PCNT: variants seen among roughly 807,000 people sequenced by gnomAD.
The protein encoded by PCNT is kendrin.
Under a neutral mutation model 380.4 loss-of-function variants are expected in PCNT, and 319 were observed. That is an observed-to-expected ratio of 0.84 (90% CI 0.77 to 0.92). The LOEUF is 0.92. Among genes scored for constraint, PCNT ranks in the 40% least tolerant of loss-of-function variants. The probability of loss-of-function intolerance (pLI) is 0.00; values close to 1 mark genes in which losing one functional copy is unlikely to be tolerated. For synonymous variants in PCNT, 1,845 were observed against 1,735.2 expected, an observed-to-expected ratio of 1.06 and a Z score of -1.57; for missense variants, 4,400 against 4,255.3, an observed-to-expected ratio of 1.03 and a Z score of -0.95.
At chr21:46,394,486 G>A (rs1003608821) in intron 21 of PCNT, 6 of 982,880 alleles carry the variant, frequency 6.1e-6, no homozygotes, top group Non-Finnish European at 7.2e-6. Context: ...CTCAGTAAAC[G>A]CAAACTCTTG....
intron 2 of PCNT, 144 bp from the exon 3 acceptor site, chr21:46,334,253 G>A: frequency 9.5e-7 from 1 of 1,052,556 alleles, no homozygotes; most frequent in Non-Finnish European, 1.4e-6. Context: ...TAATGCGGAA[G>A]GTGCACGTTC....
At position 46,442,480 on chromosome 21, in the gene PCNT, GTC is replaced by G. The variant is rs771028152; in HGVS notation, c.9624-13_9624-12del. The G allele has an allele frequency of 6.5e-7, 1 of 1,540,694 alleles. No individual in the cohort carries two copies. The highest frequency in any genetic ancestry group is 2.2e-5 in the East Asian group (1 of 44,516). ...CTTGCCGTACTTTTAAGTGTGTCTTGTCTCTTTTTTTTGTAGATTACGTTTTT... is the reference window on the plus strand; with the variant it reads ...CTTGCCGTACTTTTAAGTGTGTCTTGTCTTTTTTTTGTAGATTACGTTTTT... On this transcript the variant is annotated splice_polypyrimidine_tract_variant and intron_variant, in intron 43 of 46. Transcript: ENST00000359568.
intron 42 of PCNT, among the ~76,000 whole-genome samples, chr21:46,440,445 TGGC>T (rs1383370392): frequency 1.3e-5 from 2 of 152,208 alleles, no homozygotes; most frequent in Non-Finnish European, 1.5e-5. Context: ...AGTCAGCAAA[TGGC>T]GGCCTCTGCA....
chr21:46,363,163 C>T (rs912963364), intron 13 of PCNT, among the ~76,000 whole-genome samples: 3 of 152,220 alleles, frequency 2.0e-5, no homozygotes, highest in Admixed American at 1.3e-4. Context: ...ACAAAGAAGC[C>T]TCCGGCTGCT....
intron 3 of PCNT, among the ~76,000 whole-genome samples, chr21:46,336,915 G>A (rs1035018455): frequency 2.0e-5 from 3 of 151,812 alleles, no homozygotes; most frequent in Middle Eastern, 3.4e-3. Context: ...TTTCCTTCTC[G>A]GATAGTGAGA....
intron 31 of PCNT, among the ~76,000 whole-genome samples, chr21:46,419,441 A>G (rs1042955840): frequency 2.0e-5 from 3 of 152,202 alleles, no homozygotes; most frequent in Admixed American, 2.0e-4. Context: ...TTAAAGTGGC[A>G]TCTTCAGCCC....
chr21:46,326,677 T>A, intron 2 of PCNT, 88 bp downstream of exon 2: 2 of 1,425,824 alleles, frequency 1.4e-6, no homozygotes, highest in Non-Finnish European at 2.0e-6. Context: ...TTTGGTCTGT[T>A]TTTGCCTTTC....
rs772733523 is a variant in PCNT, at chr21:46,429,914, C to T, written c.7691-96C>T. On this transcript the variant is annotated intron_variant, in intron 35 of 46. Transcript: ENST00000359568. ...ACCTCCTTTCTTCCCGAAGCACATA[C>T]ACCTCACGCCCCCACGAGTCTGTCT... 312 of 929,432 alleles carry T rather than the reference C, an allele frequency of 3.4e-4. 1 individual carries two copies. The highest frequency in any genetic ancestry group is 4.6e-4 in the Non-Finnish European group (270 of 584,740). The allele number at this position is 929,432 out of a possible 1,614,324, so 57.6% of individuals were successfully genotyped here. A position where few individuals can be genotyped will look rare whatever the true frequency, so the allele number is the denominator to read the frequency against.
chr21:46,398,733 C>CT (rs778320370), intron 24 of PCNT, among the ~76,000 whole-genome samples: 1 of 152,060 alleles, frequency 6.6e-6, no homozygotes, highest in Admixed American at 6.5e-5. Context: ...GAGCCTGACT[C>CT]TCTGGAGATT....
intron 15 of PCNT, 85 bp downstream of exon 15, chr21:46,367,224 G>A (rs1197819153): frequency 5.1e-6 from 6 of 1,183,854 alleles, no homozygotes; most frequent in African/African-American, 3.0e-5. Flanking sequence ...ATGTCTGCGT[G>A]CGTGCTGTGT....
At chr21:46,364,452 A>G (rs796770592) in intron 14 of PCNT, among the ~76,000 whole-genome samples, 2 of 152,354 alleles carry the variant, frequency 1.3e-5, no homozygotes, top group African/African-American at 4.8e-5. Context: ...GGCGGGGATC[A>G]GTCATTGTCT....
intron 27 of PCNT, among the ~76,000 whole-genome samples, chr21:46,404,293 T>C (rs966467281): frequency 6.6e-6 from 1 of 152,236 alleles, no homozygotes; most frequent in African/African-American, 2.4e-5. Context: ...AATTTAAAAC[T>C]GTAGGCTTAT....
intron 27 of PCNT, among the ~76,000 whole-genome samples, chr21:46,403,647 G>A (rs543508104): frequency 5.9e-5 from 8 of 136,566 alleles, no homozygotes; most frequent in South Asian, 5.0e-4. Context: ...GCACATGCTC[G>A]GTGAATGAAC....
At chr21:46,337,162 A>C (rs1016948628) in intron 3 of PCNT, among the ~76,000 whole-genome samples, 2 of 151,940 alleles carry the variant, frequency 1.3e-5, no homozygotes, top group African/African-American at 2.4e-5. Context: ...ATGCCTGGCT[A>C]ATTGGGGTTT....
chr21:46,324,315 T>G, intron 1 of PCNT, 33 bp downstream of exon 1: 1 of 1,562,136 alleles, frequency 6.4e-7, no homozygotes, highest in Non-Finnish European at 8.8e-7. Context: ...CTAGCTGCTC[T>G]GGCGTGAAGT....
intron 21 of PCNT, among the ~76,000 whole-genome samples, chr21:46,393,546 C>T (rs894442471): frequency 4.6e-5 from 7 of 152,166 alleles, no homozygotes; most frequent in South Asian, 2.1e-4. Context: ...CACACCCCGC[C>T]GGGGGAGACC....
chr21:46,437,219 T>C, intron 40 of PCNT, 138 bp downstream of exon 40: 1 of 658,274 alleles, frequency 1.5e-6, no homozygotes, highest in East Asian at 2.7e-5. Flanking sequence ...GGTTGCTATC[T>C]GGGTGAGTGG....
chr21:46,384,103 C>T (rs557820229), intron 16 of PCNT, among the ~76,000 whole-genome samples: 21 of 143,334 alleles, frequency 1.5e-4, no homozygotes, highest in Admixed American at 7.8e-4. Flanking sequence ...TATTCAGTGG[C>T]GGAAGCGCAT....
In PCNT at chr21:46,430,298, G is replaced by A. The variant is rs1211553146; in HGVS notation, c.7913+66G>A. On this transcript the variant is annotated intron_variant, in intron 36 of 46. Coordinates refer to ENST00000359568, the MANE Select transcript of PCNT (RefSeq NM_006031.6). Reference sequence around the variant, plus strand: ...CCCCGTTGTGCCATGTTTTCTTGGTGATGAAGGGAGACAGAACCTCTGGTG... The same window carrying A: ...CCCCGTTGTGCCATGTTTTCTTGGTAATGAAGGGAGACAGAACCTCTGGTG... The A allele has an allele frequency of 2.0e-6, 3 of 1,494,008 alleles. No individual in the cohort carries two copies. In the East Asian group the frequency reaches 7.1e-5, roughly 35 times the overall value. The allele number at this position is 1,494,008 out of a possible 1,614,324, so 92.5% of individuals were successfully genotyped here.
Sources: allele counts gnomAD v4.1 joint callset (sites outside exome capture counted in the v4.1 genomes callset), GRCh38; gene constraint gnomAD v4.1.1; transcripts MANE v1.5; gene names NCBI Gene and HGNC (gene_info 2026-07-23, HGNC 2026-07-21).